Variants in IRS1 observed in about 807,000 individuals in gnomAD.
IRS1 encodes the protein insulin receptor substrate 1.
In IRS1, 34 loss-of-function variants were observed where a neutral mutation model predicts 65.6. The observed-to-expected ratio is 0.52, with a 90% confidence interval of 0.39 to 0.69. IRS1 has a LOEUF of 0.69. Ranked by LOEUF, IRS1 falls within the 30% of genes least tolerant of loss-of-function variation. IRS1 has a pLI of 0.00. For synonymous variants in IRS1, 699 were observed against 683.5 expected (o/e 1.02, Z -0.35); for missense variants, 1,641 against 1,720.2 (o/e 0.95, Z 0.81).
At position 226,733,751 on chromosome 2, in the gene IRS1, G is replaced by A. The variant is rs536094873; in HGVS notation, c.*2521C>T. On this transcript the variant is annotated 3_prime_UTR_variant, in exon 2 of 2. Coordinates refer to ENST00000305123, the MANE Select transcript of IRS1 (RefSeq NM_005544.3). ...TGACGTTGCTCAAAGGAAACCCTTC[G>A]TGTCGCCAGAGTATGAACTTTTGGT... 2.0e-5 allele frequency: 3 copies of A among 152,136 alleles called. No homozygotes were observed. The highest frequency in any genetic ancestry group is 2.1e-4 in the South Asian group (1 of 4,820). 9.4% of individuals were successfully genotyped at this position (152,136 alleles called of 1,614,324 possible). A position where few individuals can be genotyped will look rare whatever the true frequency, so the allele number is the denominator to read the frequency against.
Position 226,747,462 on chromosome 2 carries a change from G to A in IRS1, c.*22-11212C>T, listed in dbSNP as rs186157864. ...AGGCTACAATAAGAAGACGGCCATCGTAAACCAGGAAGAGGGCACACCAAA... is the reference window on the plus strand; with the variant it reads ...AGGCTACAATAAGAAGACGGCCATCATAAACCAGGAAGAGGGCACACCAAA... On this transcript the variant is annotated intron_variant, in intron 1 of 1. Coordinates refer to ENST00000305123, the MANE Select transcript of IRS1 (RefSeq NM_005544.3). Among the ~76,000 whole-genome samples, 317 of 152,152 alleles carry A rather than the reference G, an allele frequency of 2.1e-3. 1 individual carries two copies. The highest frequency in any genetic ancestry group is 3.4e-3 in the Middle Eastern group (1 of 294).
chr2:226,738,075 G>A (rs1285364764), intron 1 of IRS1, among the ~76,000 whole-genome samples: 1 of 152,154 alleles, frequency 6.6e-6, no homozygotes, highest in Non-Finnish European at 1.5e-5. Flanking sequence ...GAAGAACCTT[G>A]AATGACAAGC....
intron 1 of IRS1, among the ~76,000 whole-genome samples, chr2:226,738,493 C>T (rs1182910715): frequency 1.3e-5 from 2 of 152,166 alleles, no homozygotes; most frequent in Non-Finnish European, 2.9e-5. Flanking sequence ...GTATTTTTAA[C>T]TCACTAATAA....
rs899942930 is a variant in IRS1 at position 226,757,961 on chromosome 2, G to A, written c.*22-21711C>T. 2.0e-5 allele frequency among the ~76,000 whole-genome samples: 3 copies of A among 152,214 alleles called. No homozygotes were observed. In the East Asian group the frequency reaches 5.8e-4, roughly 29 times the overall value. The stretch of plus-strand genomic sequence containing the variant: ...TTTTTAGCCCTAAATTTCTAATATG[G>A]TTTGTAGTTAATAAGAAAAATACTA... On this transcript the variant is annotated intron_variant, in intron 1 of 1. Transcript: ENST00000305123.
At chr2:226,773,322 ACTCTTCTGGGGCC>A (rs1275493883) in intron 1 of IRS1, among the ~76,000 whole-genome samples, 1 of 152,074 alleles carries the variant, frequency 6.6e-6, no homozygotes, top group Non-Finnish European at 1.5e-5. Context: ...GTTTGAAACA[ACTCTTCTGGGGCC>A]CTTCACAGTC....
Position 226,733,746 on chromosome 2 carries a change from C to T in IRS1, c.*2526G>A, listed in dbSNP as rs2106155138. The T allele has an allele frequency of 6.6e-6, 1 of 152,272 alleles. No individual in the cohort carries two copies. The highest frequency in any genetic ancestry group is 1.5e-5 in the Non-Finnish European group (1 of 68,028). The allele number at this position is 152,272 out of a possible 1,614,324, so 9.4% of individuals were successfully genotyped here. On this transcript the variant is annotated 3_prime_UTR_variant, in exon 2 of 2. Coordinates refer to ENST00000305123, the MANE Select transcript of IRS1 (RefSeq NM_005544.3). Reference sequence around the variant, plus strand: ...GCAGCTGACGTTGCTCAAAGGAAACCCTTCGTGTCGCCAGAGTATGAACTT... The same window carrying T: ...GCAGCTGACGTTGCTCAAAGGAAACTCTTCGTGTCGCCAGAGTATGAACTT...
At position 226,734,260 on chromosome 2, in the gene IRS1, T is replaced by C. The variant is rs1344906033; in HGVS notation, c.*2012A>G. 1 of 152,198 alleles carries C rather than the reference T, an allele frequency of 6.6e-6. No individual in the cohort carries two copies. Among genetic ancestry groups the C allele is most frequent in the Non-Finnish European group, 1.5e-5 (1 of 68,018 alleles). 9.4% of individuals were successfully genotyped at this position (152,198 alleles called of 1,614,324 possible). On this transcript the variant is annotated 3_prime_UTR_variant, in exon 2 of 2. Transcript: ENST00000305123. ...CAGATTTTCAAAATGGGTAGTGCTCTCTACTAATAGGAAATGATGTAATTC... is the reference window on the plus strand; with the variant it reads ...CAGATTTTCAAAATGGGTAGTGCTCCCTACTAATAGGAAATGATGTAATTC...
intron 1 of IRS1, among the ~76,000 whole-genome samples, chr2:226,742,310 A>C (rs1303205244): frequency 6.6e-6 from 1 of 152,252 alleles, no homozygotes; most frequent in Admixed American, 6.5e-5. Context: ...GTTAGAGGTA[A>C]GACCAACATG....
chr2:226,796,363 G>A lies in IRS1; in HGVS notation c.2376C>T (p.Ser792=), dbSNP rs1363517764. ...EGARHQHLRL[S]TSSGRLLYAA... ...CATAGAGAAGGCGACCAGAGCTAGT[G>A]GAAAGGCGGAGGTGCTGATGCCGGG... The change falls in exon 1 of 2, where the codon TCC becomes TCT. Residue 792 remains serine, a synonymous_variant. Transcript: ENST00000305123. 2.5e-6 allele frequency: 4 copies of A among 1,613,230 alleles called. No homozygotes were observed. In the African/African-American group the frequency reaches 5.3e-5, roughly 22 times the overall value.
rs747700323 is a variant in IRS1 at position 226,795,692 on chromosome 2, C to G, written c.3047G>C (p.Arg1016Pro). Reference protein sequence around the residue: ...PAAPVSYADMRTGIAAEEVSL... With the variant: ...PAAPVSYADMPTGIAAEEVSL... ...CACCTCCTCTGCAGCAATGCCTGTTCGCATGTCAGCATAGCTTACAGGGGC... is the reference window on the plus strand; with the variant it reads ...CACCTCCTCTGCAGCAATGCCTGTTGGCATGTCAGCATAGCTTACAGGGGC... Residue 1016 changes from arginine to proline, a missense_variant, in exon 1 of 2, where the codon CGA becomes CCA. By Grantham distance (103) the Arg-to-Pro change is moderately radical. This residue lies in a region of IRS1 where 1,324 missense variants were observed against 1,361.0 expected (regional missense o/e 0.97). Coordinates refer to ENST00000305123, the MANE Select transcript of IRS1 (RefSeq NM_005544.3). 5 of 1,613,358 alleles carry G rather than the reference C, an allele frequency of 3.1e-6. No homozygotes were observed. Among genetic ancestry groups the G allele is most frequent in the Non-Finnish European group, 4.2e-6 (5 of 1,180,022 alleles).
At chr2:226,770,463 T>A (rs1939140511) in intron 1 of IRS1, among the ~76,000 whole-genome samples, 1 of 152,226 alleles carries the variant, frequency 6.6e-6, no homozygotes, top group Admixed American at 6.5e-5. Flanking sequence ...CTCTAGAACA[T>A]AAGCTCAGAA....
intron 1 of IRS1, among the ~76,000 whole-genome samples, chr2:226,792,814 T>C (rs572459200): frequency 1.8e-4 from 28 of 151,718 alleles, no homozygotes; most frequent in Admixed American, 1.4e-3. Flanking sequence ...GTCTGACTTC[T>C]GTCTGTTTCA....
rs1205448071 is a variant in IRS1 at position 226,796,160 on chromosome 2, C to T, written c.2579G>A (p.Arg860Lys). The T allele has an allele frequency of 1.9e-6, 3 of 1,613,678 alleles. No individual in the cohort carries two copies. The highest frequency in any genetic ancestry group is 1.7e-5 in the Admixed American group (1 of 60,030). Residue 860 changes from arginine (R) to lysine (K), a missense_variant, in exon 1 of 2, where the codon AGG becomes AAG. Arg to Lys is a conservative substitution (Grantham distance 26, BLOSUM62 2). Around this residue, in one of 3 missense-constraint regions of IRS1, gnomAD observed 1,324 missense variants for 1,361.0 expected, o/e 0.97. Transcript: ENST00000305123. ...GGCCTTGGGATCCCCCAGGGACAGC[C>T]TCGTGGGCCGGGCCAGGCGGCTATT... Reference protein sequence around the residue: ...QTNSRLARPTRLSLGDPKAST... With the variant: ...QTNSRLARPTKLSLGDPKAST...
Position 226,796,156 on chromosome 2 carries a change from C to T in IRS1, c.2583G>A (p.Leu861=), listed in dbSNP as rs1939717673. 1 of 1,613,666 alleles carries T rather than the reference C, an allele frequency of 6.2e-7. No homozygotes were observed. The highest frequency in any genetic ancestry group is 8.5e-7 in the Non-Finnish European group (1 of 1,180,014). ...TNSRLARPTR[L]SLGDPKASTL... The stretch of plus-strand genomic sequence containing the variant: ...TGCTGGCCTTGGGATCCCCCAGGGA[C>T]AGCCTCGTGGGCCGGGCCAGGCGGC... The change falls in exon 1 of 2, where the codon CTG becomes CTA. Residue 861 remains leucine (L), a synonymous_variant. Transcript: ENST00000305123.
intron 1 of IRS1, among the ~76,000 whole-genome samples, chr2:226,738,928 G>A (rs374677256): frequency 2.6e-5 from 4 of 152,268 alleles, no homozygotes; most frequent in East Asian, 3.9e-4. Flanking sequence ...GAAGGGGTGG[G>A]TAAACAGCTT....
chr2:226,753,092 G>T (rs1938716444), intron 1 of IRS1, among the ~76,000 whole-genome samples: 2 of 152,128 alleles, frequency 1.3e-5, no homozygotes. Flanking sequence ...AACTGAAAAG[G>T]GATGGAAGGG....
intron 1 of IRS1, among the ~76,000 whole-genome samples, chr2:226,787,577 T>C (rs1574660121): frequency 6.6e-6 from 1 of 152,222 alleles, no homozygotes; most frequent in East Asian, 1.9e-4. Context: ...AGGTGCTCAA[T>C]AGAGCTTACT....
At chr2:226,762,022 G>A (rs1329213690) in intron 1 of IRS1, among the ~76,000 whole-genome samples, 1 of 152,210 alleles carries the variant, frequency 6.6e-6, no homozygotes, top group Non-Finnish European at 1.5e-5. Flanking sequence ...GCAGCATAGA[G>A]GCTGAGCTGT....
intron 1 of IRS1, among the ~76,000 whole-genome samples, chr2:226,779,619 A>T (rs927158028): frequency 2.6e-5 from 4 of 152,274 alleles, no homozygotes; most frequent in African/African-American, 4.8e-5. Context: ...GAACTAATTT[A>T]TATTACAGAT....
Sources: allele counts gnomAD v4.1 joint callset (sites outside exome capture counted in the v4.1 genomes callset), GRCh38; gene constraint gnomAD v4.1.1; regional missense constraint gnomAD v4.1.1; transcripts MANE v1.5; gene names NCBI Gene and HGNC (gene_info 2026-07-23, HGNC 2026-07-21).